The following LUC7L2 variants were observed in gnomAD, a reference collection of about 807,000 sequenced individuals.
LUC7L2 encodes the protein putative RNA-binding protein Luc7-like 2.
Under a neutral mutation model 52.8 loss-of-function variants are expected in LUC7L2, and 25 were observed. That is an observed-to-expected ratio of 0.47 (90% CI 0.34 to 0.66). The LOEUF (loss-of-function observed/expected upper bound fraction) is 0.66. Ranked by LOEUF, LUC7L2 falls within the 30% of genes least tolerant of loss-of-function variation. The probability of loss-of-function intolerance (pLI) is 0.01; values close to 1 mark genes in which losing one functional copy is unlikely to be tolerated. For missense variants in LUC7L2, 328 were observed against 497.8 expected (o/e 0.66, Z 3.25); for synonymous variants, 144 against 160.9 (o/e 0.89, Z 0.80).
At chr7:139,369,414 C>T (rs562632187) in intron 1 of LUC7L2, among the ~76,000 whole-genome samples, 4 of 152,110 alleles carry the variant, frequency 2.6e-5, no homozygotes, top group Admixed American at 6.5e-5. Flanking sequence ...GATAGATTTC[C>T]TAAAGCACAT....
intron 1 of LUC7L2, among the ~76,000 whole-genome samples, chr7:139,348,170 A>G (rs967043971): frequency 6.6e-6 from 1 of 150,438 alleles, no homozygotes; most frequent in African/African-American, 2.4e-5. Flanking sequence ...ACATTATAAT[A>G]TACAATATTA....
At chr7:139,357,310 A>G (rs754902855), upstream of LUC7L2, among the ~76,000 whole-genome samples, 43 of 152,202 alleles carry the variant, frequency 2.8e-4, no homozygotes, top group Non-Finnish European at 4.4e-4. Context: ...TAAATCATCA[A>G]TGCTTCCAAG....
intron 1 of LUC7L2, among the ~76,000 whole-genome samples, chr7:139,372,746 C>T (rs904355364): frequency 6.6e-6 from 1 of 151,844 alleles, no homozygotes. Context: ...TGGAGATCAG[C>T]CTTGGCAACA....
At chr7:139,345,361 G>A in intron 1 of LUC7L2, 1 of 1,284,880 alleles carries the variant, frequency 7.8e-7, no homozygotes, top group South Asian at 1.5e-5. Context: ...GATGTATTAA[G>A]TATACATGTA....
At chr7:139,384,963 T>G (rs1794128699) in intron 2 of LUC7L2, among the ~76,000 whole-genome samples, 1 of 151,814 alleles carries the variant, frequency 6.6e-6, no homozygotes, top group Non-Finnish European at 1.5e-5. Flanking sequence ...TTATATACTA[T>G]TTAAAATAAC....
chr7:139,420,047 G>C (rs1264632245), intron 9 of LUC7L2, among the ~76,000 whole-genome samples: 4 of 131,740 alleles, frequency 3.0e-5, no homozygotes, highest in African/African-American at 1.2e-4. Flanking sequence ...TGAAATACTT[G>C]TCTCTGATAC....
chr7:139,371,081 G>A (rs901870845), intron 1 of LUC7L2, among the ~76,000 whole-genome samples: 1 of 152,074 alleles, frequency 6.6e-6, no homozygotes, highest in South Asian at 2.1e-4. Context: ...GTATACCTGT[G>A]GGGAGGGCTT....
At chr7:139,379,346 A>G (rs1800869034) in intron 2 of LUC7L2, among the ~76,000 whole-genome samples, 1 of 149,930 alleles carries the variant, frequency 6.7e-6, no homozygotes, top group South Asian at 2.1e-4. Flanking sequence ...AAAGGAAAAA[A>G]GTATCCAGAA....
intron 4 of LUC7L2, among the ~76,000 whole-genome samples, chr7:139,403,593 A>G (rs1248203558): frequency 6.6e-6 from 1 of 152,158 alleles, no homozygotes; most frequent in Non-Finnish European, 1.5e-5. Context: ...TCATGGTTGG[A>G]AGAGATCTGT....
intron 7 of LUC7L2, among the ~76,000 whole-genome samples, chr7:139,410,066 GC>G (rs1795289025): frequency 6.6e-6 from 1 of 152,124 alleles, no homozygotes; most frequent in Admixed American, 6.5e-5. Context: ...AATTAGCTGG[GC>G]GAGGTGGCGG....
At chr7:139,357,834 G>A (rs1258121138), upstream of LUC7L2, among the ~76,000 whole-genome samples, 4 of 151,744 alleles carry the variant, frequency 2.6e-5, no homozygotes, top group African/African-American at 9.7e-5. Context: ...TGGGACTACA[G>A]GCATGCGCCA....
chr7:139,372,085 A>T (rs1243155071), intron 1 of LUC7L2, among the ~76,000 whole-genome samples: 1 of 152,174 alleles, frequency 6.6e-6, no homozygotes, highest in Non-Finnish European at 1.5e-5. Context: ...GTTCTAAATC[A>T]AGTTTCTAAT....
intron 1 of LUC7L2, among the ~76,000 whole-genome samples, chr7:139,347,636 A>T (rs1401382608): frequency 6.6e-6 from 1 of 152,126 alleles, no homozygotes; most frequent in Non-Finnish European, 1.5e-5. Context: ...AGAGGTTAAC[A>T]TTAAAATAAT....
At chr7:139,402,057 C>A in intron 3 of LUC7L2, 80 bp from the exon 4 acceptor site, 2 of 1,414,840 alleles carry the variant, frequency 1.4e-6, no homozygotes, top group Non-Finnish European at 1.9e-6. Context: ...TTTTAAAAAG[C>A]AAAGTGTGAT....
At chr7:139,341,603 G>C in intron 1 of LUC7L2, 1 of 1,539,286 alleles carries the variant, frequency 6.5e-7, no homozygotes. Context: ...GGAGCACGGT[G>C]TTTAATTCCT....
chr7:139,412,498 C>G (rs1339960996), intron 7 of LUC7L2, 53 bp from the exon 8 acceptor site: 3 of 1,552,656 alleles, frequency 1.9e-6, no homozygotes, highest in Admixed American at 1.9e-5. Context: ...TAACACTGCA[C>G]TGTTTTCTTA....
intron 3 of LUC7L2, among the ~76,000 whole-genome samples, chr7:139,399,448 G>GCTTTTTT (rs1794799799): frequency 1.2e-5 from 1 of 83,124 alleles, no homozygotes; most frequent in Non-Finnish European, 2.7e-5. Context: ...GTGTTTGGGG[G>GCTTTTTT]ATTTTTTTTT....
At chr7:139,371,069 T>C (rs1188590324) in intron 1 of LUC7L2, among the ~76,000 whole-genome samples, 1 of 152,154 alleles carries the variant, frequency 6.6e-6, no homozygotes, top group Non-Finnish European at 1.5e-5. Flanking sequence ...GACCCTTAAC[T>C]AGTATACCTG....
chr7:139,374,899 G>A, intron 1 of LUC7L2: 1 of 993,130 alleles, frequency 1.0e-6, no homozygotes, highest in Non-Finnish European at 1.2e-6. Context: ...CAGAAACTAA[G>A]TGATTGAATC....
Sources: allele counts gnomAD v4.1 joint callset (sites outside exome capture counted in the v4.1 genomes callset), GRCh38; gene constraint gnomAD v4.1.1; transcripts MANE v1.5; gene names NCBI Gene and HGNC (gene_info 2026-07-23, HGNC 2026-07-21).